GSTA5: variants seen among roughly 807,000 people sequenced by gnomAD.
GSTA5 encodes glutathione S-transferase A5.
GSTA5 carries 25 observed loss-of-function variants against 21.8 expected under a neutral mutation model. The observed-to-expected ratio is 1.14, with a 90% CI of 0.83 to 1.60. The LOEUF is 1.60. GSTA5 is among the 40% of genes most tolerant of loss of function. The pLI is 0.00. For missense variants in GSTA5, 330 were observed against 259.2 expected, an observed-to-expected ratio of 1.27 and a Z score of -1.88; for synonymous variants, 102 against 89.5, an observed-to-expected ratio of 1.14 and a Z score of -0.78.
chr6:52,845,393 G>A (rs541526910), upstream of GSTA5, among the ~76,000 whole-genome samples: 5 of 152,138 alleles, frequency 3.3e-5, no homozygotes, highest in Non-Finnish European at 7.4e-5. Flanking sequence ...AATCAGATAG[G>A]TAAAGGGCAG....
exon 3 of GSTA5, chr6:52,836,335 A>G: frequency 6.2e-7 from 1 of 1,613,602 alleles, no homozygotes; most frequent in Non-Finnish European, 8.5e-7. Context: ...GTCAATCTCA[A>G]CCATTGGTAC....
At chr6:52,840,668 A>T in intron 1 of GSTA5, 59 bp downstream of exon 1, 1 of 1,447,528 alleles carries the variant, frequency 6.9e-7, no homozygotes, top group Non-Finnish European at 9.7e-7. Context: ...TTTCTGTGGG[A>T]AAAGTATGTG....
chr6:52,844,793 C>G (rs959594932), upstream of GSTA5, among the ~76,000 whole-genome samples: 1 of 152,064 alleles, frequency 6.6e-6, no homozygotes, highest in African/African-American at 2.4e-5. Flanking sequence ...TGCTCTTGTC[C>G]CAGTGCTTGG....
rs1764311642 is a variant in GSTA5 at position 52,837,627 on chromosome 6, A to G, written c.88-18T>C. ...TCTTCCAACTGGAAGCAGAAACAGT[A>G]AATGGGTTCTTCTTAGTTAATTCTA... is the stretch of plus-strand genomic sequence containing the variant. On this transcript the variant is annotated intron_variant, in intron 1 of 5. Transcript: ENST00000370989. 1 of 1,582,766 alleles carries G rather than the reference A, an allele frequency of 6.3e-7. No homozygotes were observed. The highest frequency in any genetic ancestry group is 8.7e-7 in the Non-Finnish European group (1 of 1,152,692).
chr6:52,839,716 C>T (rs555627144), intron 1 of GSTA5, among the ~76,000 whole-genome samples: 4 of 152,308 alleles, frequency 2.6e-5, no homozygotes, highest in African/African-American at 9.6e-5. Context: ...CGCTGAAGGA[C>T]TCTGGTCTGG....
chr6:52,834,201 A>G, exon 4 of GSTA5: 1 of 1,614,182 alleles, frequency 6.2e-7, no homozygotes, highest in Non-Finnish European at 8.5e-7. Context: ...CAGTCTTGGC[A>G]TCTCTTTCCT....
At position 52,834,134 on chromosome 6, in the gene GSTA5, CACTT is replaced by C. The variant is rs1764257672; in HGVS notation, c.414+3_414+6del. The C allele has an allele frequency of 1.2e-6, 2 of 1,614,136 alleles. No homozygotes were observed. Among genetic ancestry groups the C allele is most frequent in the African/African-American group, 2.7e-5 (2 of 75,048 alleles). On this transcript the variant is annotated splice_donor_5th_base_variant and intron_variant, in intron 4 of 5. Transcript: ENST00000370989. ...AGTTCCCCTAAACATTGAACAGCTT[CACTT>C]ACTTTTTCAAAGGCAGGGAAGTAGC...
At chr6:52,840,884 A>G (rs1198554759), upstream of GSTA5, 8 of 1,406,148 alleles carry the variant, frequency 5.7e-6, no homozygotes, top group Non-Finnish European at 7.0e-6. Flanking sequence ...AGAATCAAAA[A>G]TGTACTTTAG....
exon 6 of GSTA5, chr6:52,831,755 C>A (rs1484186157): frequency 6.9e-7 from 1 of 1,449,858 alleles, no homozygotes; most frequent in African/African-American, 1.4e-5. Flanking sequence ...ATTAGCTTTA[C>A]AAGAGGCACA....
At chr6:52,835,859 G>T (rs142393464) in intron 3 of GSTA5, among the ~76,000 whole-genome samples, 5 of 152,222 alleles carry the variant, frequency 3.3e-5, no homozygotes, top group Non-Finnish European at 7.4e-5. Context: ...CCCTCCCCAG[G>T]CCTTCATCTA....
chr6:52,837,451 G>C, intron 2 of GSTA5, 107 bp downstream of exon 2: 1 of 667,380 alleles, frequency 1.5e-6, no homozygotes, highest in Non-Finnish European at 2.6e-6. Flanking sequence ...CCTCTCCACC[G>C]TGACTAAATA....
intron 5 of GSTA5, 37 bp from the exon 6 acceptor site, chr6:52,832,007 A>T: frequency 6.3e-7 from 1 of 1,585,406 alleles, no homozygotes; most frequent in Non-Finnish European, 8.5e-7. Context: ...AGTGAAGCCA[A>T]GGCCGGCCAC....
chr6:52,836,202 C>A (rs1764289511), intron 3 of GSTA5, 34 bp downstream of exon 3: 1 of 1,608,846 alleles, frequency 6.2e-7, no homozygotes, highest in Admixed American at 1.7e-5. Context: ...ACTCTGTGTT[C>A]TCTGTGGATG....
chr6:52,846,163 G>A, the GSTA5 span: 1 of 168,314 alleles, frequency 5.9e-6, no homozygotes, highest in South Asian at 2.0e-4. Flanking sequence ...ACTGAAAGGA[G>A]AAAGGTCAAG....
At chr6:52,832,360 A>G (rs1764229299) in intron 5 of GSTA5, among the ~76,000 whole-genome samples, 1 of 152,214 alleles carries the variant, frequency 6.6e-6, no homozygotes, top group Admixed American at 6.5e-5. Context: ...AAAACATTAA[A>G]CACAAACCAT....
At chr6:52,840,530 T>C (rs1764357830) in intron 1 of GSTA5, among the ~76,000 whole-genome samples, 197 bp downstream of exon 1, 1 of 152,256 alleles carries the variant, frequency 6.6e-6, no homozygotes, top group Non-Finnish European at 1.5e-5. Context: ...CTTAATTGTA[T>C]TTTAATATGT....
chr6:52,836,574 C>T (rs1386052138), intron 2 of GSTA5, among the ~76,000 whole-genome samples: 3 of 152,170 alleles, frequency 2.0e-5, no homozygotes, highest in East Asian at 1.9e-4. Flanking sequence ...TGCAGTGGGA[C>T]GATCTCAGCT....
exon 6 of GSTA5, chr6:52,831,772 A>G: frequency 6.5e-7 from 1 of 1,548,878 alleles, no homozygotes; most frequent in Non-Finnish European, 8.8e-7. Context: ...CACAATCCAC[A>G]CTTAGGTAAA....
chr6:52,835,394 A>T (rs1764276876), intron 3 of GSTA5, among the ~76,000 whole-genome samples: 1 of 151,996 alleles, frequency 6.6e-6, no homozygotes, highest in Admixed American at 6.5e-5. Context: ...TGGCTAAGGC[A>T]TTTTTTCTCC....
Sources: allele counts gnomAD v4.1 joint callset (sites outside exome capture counted in the v4.1 genomes callset), GRCh38; gene constraint gnomAD v4.1.1; transcripts MANE v1.5; gene names NCBI Gene and HGNC (gene_info 2026-07-23, HGNC 2026-07-21).